Variants in TMEM74 observed in about 807,000 individuals in gnomAD.
TMEM74 encodes the protein transmembrane protein 74.
In TMEM74, 13 loss-of-function variants were observed where a neutral mutation model predicts 18.1. That is an observed-to-expected ratio of 0.72 (90% CI 0.47 to 1.14). The LOEUF (loss-of-function observed/expected upper bound fraction) is 1.14, where lower values mean the gene tolerates loss of function less well. Ranked by LOEUF, TMEM74 falls within the 50% of genes most tolerant of loss-of-function variation. The pLI is 0.00. For missense variants in TMEM74, 372 were observed against 375.9 expected, an observed-to-expected ratio of 0.99 and a Z score of 0.09; for synonymous variants, 159 against 146.6, an observed-to-expected ratio of 1.08 and a Z score of -0.61.
chr8:108,768,583 A>G (rs1331939356), intron 1 of TMEM74, among the ~76,000 whole-genome samples: 1 of 152,114 alleles, frequency 6.6e-6, no homozygotes, highest in Non-Finnish European at 1.5e-5. Context: ...CTGTAACCCA[A>G]GTGTTGTAGA....
At chr8:108,693,106 G>C (rs1347965298) in intron 1 of TMEM74, among the ~76,000 whole-genome samples, 1 of 152,182 alleles carries the variant, frequency 6.6e-6, no homozygotes, top group East Asian at 1.9e-4. Context: ...AGGAGGAGGA[G>C]CAGCAATTGT....
intron 1 of TMEM74, among the ~76,000 whole-genome samples, chr8:108,703,824 C>T (rs1813362743): frequency 6.6e-6 from 1 of 152,168 alleles, no homozygotes; most frequent in South Asian, 2.1e-4. Context: ...AGGGTAGATA[C>T]CAGGATTTTT....
At chr8:108,673,407 T>C (rs981735) in intron 1 of TMEM74, among the ~76,000 whole-genome samples, 34,039 of 152,088 alleles carry the variant, frequency 0.22, 3,995 homozygotes, top group East Asian at 0.29. Flanking sequence ...TGTGTAGCAG[T>C]CTACATTGGA....
intron 2 of TMEM74, among the ~76,000 whole-genome samples, chr8:108,651,524 G>T (rs897608865): frequency 2.6e-5 from 4 of 152,152 alleles, no homozygotes; most frequent in Non-Finnish European, 5.9e-5. Context: ...GCCTAGGAAA[G>T]ATAGGAGGCT....
At chr8:108,666,286 T>C (rs1812948447) in intron 1 of TMEM74, among the ~76,000 whole-genome samples, 1 of 152,192 alleles carries the variant, frequency 6.6e-6, no homozygotes, top group African/African-American at 2.4e-5. Flanking sequence ...TCTAATAGAC[T>C]TCGTTTGCTT....
At chr8:108,739,346 G>T (rs1470966475) in intron 1 of TMEM74, among the ~76,000 whole-genome samples, 1 of 152,170 alleles carries the variant, frequency 6.6e-6, no homozygotes, top group Non-Finnish European at 1.5e-5. Flanking sequence ...TGGAAAATTT[G>T]TGATAACGCT....
chr8:108,647,616 G>T (rs1812733122), intron 2 of TMEM74, among the ~76,000 whole-genome samples: 2 of 152,046 alleles, frequency 1.3e-5, no homozygotes, highest in Non-Finnish European at 2.9e-5. Context: ...ACGAGTAAAT[G>T]AAACTCTATA....
intron 1 of TMEM74, among the ~76,000 whole-genome samples, chr8:108,738,823 CCTGTCAT>C (rs1273836659): frequency 6.6e-6 from 1 of 152,184 alleles, no homozygotes; most frequent in Non-Finnish European, 1.5e-5. Flanking sequence ...CAGGGCAACT[CCTGTCAT>C]TAGGCACTCA....
intron 1 of TMEM74, among the ~76,000 whole-genome samples, chr8:108,692,804 A>G (rs1202714242): frequency 6.6e-6 from 1 of 152,180 alleles, no homozygotes; most frequent in Non-Finnish European, 1.5e-5. Flanking sequence ...CACATTTGCA[A>G]TTTTATACTT....
At chr8:108,750,501 A>T (rs1813893474) in intron 1 of TMEM74, among the ~76,000 whole-genome samples, 1 of 152,070 alleles carries the variant, frequency 6.6e-6, no homozygotes, top group African/African-American at 2.4e-5. Flanking sequence ...TTTGGCAGTT[A>T]TGACATTGTC....
intron 1 of TMEM74, among the ~76,000 whole-genome samples, chr8:108,756,661 AAAG>A (rs1294041499): frequency 9.3e-5 from 8 of 86,422 alleles, no homozygotes; most frequent in Non-Finnish European, 1.5e-4. Flanking sequence ...AGAAAGAAAG[AAAG>A]AAAGAAAGAA....
chr8:108,745,964 C>G (rs1020466800), intron 1 of TMEM74, among the ~76,000 whole-genome samples: 6 of 152,132 alleles, frequency 3.9e-5, no homozygotes, highest in Non-Finnish European at 8.8e-5. Flanking sequence ...AATCAGGACC[C>G]TCTCACACGC....
chr8:108,666,422 T>C (rs1209143469), intron 1 of TMEM74, among the ~76,000 whole-genome samples: 1 of 152,138 alleles, frequency 6.6e-6, no homozygotes, highest in African/African-American at 2.4e-5. Context: ...GTAATGATTC[T>C]CTGGAGTATG....
In TMEM74 at chr8:108,784,651, C is replaced by A. The variant is rs1814354906; in HGVS notation, c.448G>T (p.Glu150Ter). 6.2e-7 allele frequency: 1 copy of A among 1,614,072 alleles called. No individual in the cohort carries two copies. The highest frequency in any genetic ancestry group is 8.5e-7 in the Non-Finnish European group (1 of 1,180,036). Residue 150 changes from glutamate (E) to a stop codon, truncating the protein, a stop_gained, in exon 2 of 2, where the codon GAG becomes TAG. Transcript: ENST00000297459. LOFTEE classifies it high-confidence loss of function. ...TCAGATATCAAAGATATGGCAGCCT[C>A]TTGGGACCACTCATTTGGATTTTCC... ...GWENPNEWSQ[E>*]AAISLISEEE...
intron 1 of TMEM74, among the ~76,000 whole-genome samples, chr8:108,732,357 T>A (rs571696684): frequency 6.6e-6 from 1 of 152,296 alleles, no homozygotes; most frequent in East Asian, 1.9e-4. Flanking sequence ...ACATGTTCAA[T>A]ATAATCAAAT....
chr8:108,637,561 A>T (rs1812619739), intron 2 of TMEM74, among the ~76,000 whole-genome samples: 1 of 152,126 alleles, frequency 6.6e-6, no homozygotes, highest in African/African-American at 2.4e-5. Flanking sequence ...AGAGAGAGAC[A>T]GAGACAATTA....
intron 2 of TMEM74, among the ~76,000 whole-genome samples, chr8:108,614,588 C>T (rs1812365692): frequency 6.6e-6 from 1 of 152,160 alleles, no homozygotes; most frequent in Non-Finnish European, 1.5e-5. Flanking sequence ...CATGTGAATG[C>T]TACTAAACCA....
At chr8:108,655,014 T>A (rs892598573) in intron 2 of TMEM74, among the ~76,000 whole-genome samples, 3 of 152,184 alleles carry the variant, frequency 2.0e-5, no homozygotes, top group African/African-American at 7.2e-5. Context: ...TTTATTAGAT[T>A]GGTAGTCATT....
chr8:108,785,415 G>A (rs1381354781), intron 1 of TMEM74, among the ~76,000 whole-genome samples: 1 of 152,140 alleles, frequency 6.6e-6, no homozygotes, highest in East Asian at 1.9e-4. Context: ...GAATACTGCC[G>A]TCACCAAGCC....
Sources: gnomAD v4.1 joint callset for allele counts (sites outside exome capture counted in the v4.1 genomes callset) on GRCh38, gnomAD v4.1.1 for gene constraint, MANE v1.5 for transcripts, NCBI Gene and HGNC (gene_info 2026-07-23, HGNC 2026-07-21) for gene names.